The following RABGAP1L variants were observed in gnomAD, a reference collection of about 807,000 sequenced individuals.
The protein encoded by RABGAP1L is RAB GTPase activating protein 1 like, also known as rab GTPase-activating protein 1-like.
RABGAP1L carries 63 observed loss-of-function variants against 137.7 expected under a neutral mutation model. The observed-to-expected ratio is 0.46, with a 90% CI of 0.37 to 0.56. RABGAP1L has a LOEUF of 0.56. Ranked by LOEUF, RABGAP1L falls within the 20% of genes least tolerant of loss-of-function variation. The pLI, the probability that RABGAP1L is intolerant of heterozygous loss-of-function variation, is 0.00. For missense variants in RABGAP1L, 1,095 were observed against 1,244.0 expected, an observed-to-expected ratio of 0.88 and a Z score of 1.80; for synonymous variants, 431 against 433.7, an observed-to-expected ratio of 0.99 and a Z score of 0.08.
Position 174,308,258 on chromosome 1 carries a change from C to T in RABGAP1L, c.1465+3131C>T, listed in dbSNP as rs556309300. Among the ~76,000 whole-genome samples, 67 of 151,846 alleles carry T rather than the reference C, an allele frequency of 4.4e-4. 1 individual carries two copies. Among genetic ancestry groups the T allele is most frequent in the Non-Finnish European group, 7.5e-4 (51 of 67,892 alleles). On this transcript the variant is annotated intron_variant, in intron 11 of 25. Coordinates refer to ENST00000681986, the MANE Select transcript of RABGAP1L (RefSeq NM_001366446.1). Reference sequence around the variant, plus strand: ...CTGTATACATATCTGTATATATACACACACATATACATATATGCATATATG... The same window carrying T: ...CTGTATACATATCTGTATATATACATACACATATACATATATGCATATATG...
chr1:174,456,200 G>A (rs1180086580), intron 13 of RABGAP1L, among the ~76,000 whole-genome samples: 1 of 152,016 alleles, frequency 6.6e-6, no homozygotes, highest in Admixed American at 6.5e-5. Flanking sequence ...GGCTTGATCA[G>A]TGTTTTAATA....
intron 13 of RABGAP1L, among the ~76,000 whole-genome samples, chr1:174,539,138 T>C (rs867321818): frequency 3.3e-5 from 5 of 152,256 alleles, no homozygotes; most frequent in Middle Eastern, 3.4e-3. Flanking sequence ...TACTGGCCCA[T>C]AGTAAATACA....
chr1:174,170,382 A>T (rs2148226641), intron 1 of RABGAP1L, among the ~76,000 whole-genome samples: 1 of 152,228 alleles, frequency 6.6e-6, no homozygotes, highest in East Asian at 1.9e-4. Flanking sequence ...TCAGTAACTT[A>T]CCTAAGATCA....
At chr1:174,669,466 A>G (rs1449083655) in intron 14 of RABGAP1L, among the ~76,000 whole-genome samples, 1 of 152,132 alleles carries the variant, frequency 6.6e-6, no homozygotes, top group Non-Finnish European at 1.5e-5. Context: ...TTTCTTTGCT[A>G]TGCAGAAGCT....
intron 17 of RABGAP1L, among the ~76,000 whole-genome samples, chr1:174,735,821 A>T (rs1472894262): frequency 6.6e-6 from 1 of 151,810 alleles, no homozygotes; most frequent in African/African-American, 2.4e-5. Context: ...GAGATACCAC[A>T]CTCTTTTAAG....
chr1:174,365,344 T>TG (rs1430183643), intron 11 of RABGAP1L: 1 of 152,202 alleles, frequency 6.6e-6, no homozygotes, highest in East Asian at 1.9e-4. Context: ...GTTTCTCAGT[T>TG]GCTGGGCACC....
At chr1:174,638,155 G>A (rs913151921) in intron 14 of RABGAP1L, among the ~76,000 whole-genome samples, 1 of 152,136 alleles carries the variant, frequency 6.6e-6, no homozygotes, top group African/African-American at 2.4e-5. Flanking sequence ...ACATTCTAAA[G>A]AGATGGTTAA....
At chr1:174,379,061 T>C (rs1386757514) in intron 12 of RABGAP1L, among the ~76,000 whole-genome samples, 9 of 141,972 alleles carry the variant, frequency 6.3e-5, no homozygotes, top group Non-Finnish European at 1.4e-4. Flanking sequence ...CCCCATTGCT[T>C]GTTTTTCTCA....
intron 19 of RABGAP1L, among the ~76,000 whole-genome samples, chr1:174,856,775 A>C (rs1160548029): frequency 6.6e-6 from 1 of 152,010 alleles, no homozygotes; most frequent in Non-Finnish European, 1.5e-5. Flanking sequence ...AAAAATACTA[A>C]AATTAGCCGG....
chr1:174,557,859 G>T (rs543215896), intron 13 of RABGAP1L, among the ~76,000 whole-genome samples: 1 of 152,274 alleles, frequency 6.6e-6, no homozygotes, highest in Non-Finnish European at 1.5e-5. Flanking sequence ...AAGATGATGC[G>T]GCCATGGAAA....
intron 19 of RABGAP1L, among the ~76,000 whole-genome samples, chr1:174,882,946 T>C (rs1654486634): frequency 6.6e-6 from 1 of 152,106 alleles, no homozygotes; most frequent in Admixed American, 6.5e-5. Flanking sequence ...CCTCGTCCTT[T>C]TGAGTAACTG....
At chr1:174,848,638 AGACAGG>A (rs1322684414) in intron 19 of RABGAP1L, among the ~76,000 whole-genome samples, 13 of 143,812 alleles carry the variant, frequency 9.0e-5, no homozygotes, top group African/African-American at 3.1e-4. Context: ...CAAAGCTGTC[AGACAGG>A]GACATTTAAG....
intron 13 of RABGAP1L, among the ~76,000 whole-genome samples, chr1:174,506,593 T>G (rs1201968109): frequency 2.0e-5 from 3 of 152,140 alleles, no homozygotes; most frequent in Non-Finnish European, 4.4e-5. Context: ...AGCAAGGAAG[T>G]GAAAGATCTC....
chr1:174,782,205 A>C (rs1395088181), intron 18 of RABGAP1L, among the ~76,000 whole-genome samples: 1 of 152,166 alleles, frequency 6.6e-6, no homozygotes, highest in Non-Finnish European at 1.5e-5. Flanking sequence ...TGAGCATGGA[A>C]TGTTCCTCCA....
chr1:174,737,235 G>T (rs924244380), intron 17 of RABGAP1L, among the ~76,000 whole-genome samples: 1 of 152,062 alleles, frequency 6.6e-6, no homozygotes, highest in Non-Finnish European at 1.5e-5. Flanking sequence ...TTTGATTGTA[G>T]GTTGTTAGAA....
chr1:174,577,210 TACACACAC>T (rs67709003), intron 13 of RABGAP1L, among the ~76,000 whole-genome samples: 9,774 of 126,932 alleles, frequency 0.077, 464 homozygotes, highest in Non-Finnish European at 0.096. Flanking sequence ...GGGGAAAAAA[TACACACAC>T]ACACACACAC....
intron 5 of RABGAP1L, among the ~76,000 whole-genome samples, chr1:174,250,028 C>T (rs1462353463): frequency 6.6e-6 from 1 of 152,140 alleles, no homozygotes; most frequent in African/African-American, 2.4e-5. Context: ...AGTATGTATG[C>T]TGGTGGTGCT....
Position 174,597,256 on chromosome 1 carries a change from C to T in RABGAP1L, c.1711-40119C>T, listed in dbSNP as rs1400058720. ...TAGAATGAGTTTGGAAGTATTCACT[C>T]CTCCATTATTTTTTGGAATAGTTTG... On this transcript the variant is annotated intron_variant, in intron 13 of 25. Transcript: ENST00000681986. Among the ~76,000 whole-genome samples, 3 of 152,096 alleles carry T rather than the reference C, an allele frequency of 2.0e-5. No individual in the cohort carries two copies. In the East Asian group the frequency reaches 5.8e-4, roughly 29 times the overall value.
chr1:174,906,206 A>G (rs1659057364), intron 19 of RABGAP1L, among the ~76,000 whole-genome samples: 1 of 152,036 alleles, frequency 6.6e-6, no homozygotes, highest in South Asian at 2.1e-4. Flanking sequence ...TTTGGTAGAG[A>G]CGGGGTTTCA....
Sources: gnomAD v4.1 joint callset for allele counts (sites outside exome capture counted in the v4.1 genomes callset) on GRCh38, gnomAD v4.1.1 for gene constraint, MANE v1.5 for transcripts, NCBI Gene and HGNC (gene_info 2026-07-23, HGNC 2026-07-21) for gene names.